Variants in EARS2 observed in about 807,000 individuals in gnomAD.
EARS2 encodes the protein nondiscriminating glutamyl-tRNA synthetase EARS2, mitochondrial.
Under a neutral mutation model 54.1 loss-of-function variants are expected in EARS2, and 50 were observed. That is an observed-to-expected ratio of 0.92 (90% CI 0.74 to 1.17). EARS2 has a LOEUF of 1.17. EARS2 is among the 50% of genes most tolerant of loss of function. The pLI, the probability that EARS2 is intolerant of heterozygous loss-of-function variation, is 0.00. For missense variants in EARS2, 673 were observed against 675.0 expected, an observed-to-expected ratio of 1.00 and a Z score of 0.03; for synonymous variants, 298 against 281.0, an observed-to-expected ratio of 1.06 and a Z score of -0.61.
rs1320920911 is a variant in EARS2 at position 23,546,480 on chromosome 16, A to G, written c.296-1777T>C. Reference sequence around the variant, plus strand: ...TAGTAACTTTCTCATGAGGATCATCATGAGACTAGAGTAAGATGATCTAAG... The same window carrying G: ...TAGTAACTTTCTCATGAGGATCATCGTGAGACTAGAGTAAGATGATCTAAG... On this transcript the variant is annotated intron_variant, in intron 2 of 8. Coordinates refer to ENST00000449606, the MANE Select transcript of EARS2 (RefSeq NM_001083614.2). 8.8e-6 allele frequency: 4 copies of G among 453,738 alleles called. No homozygotes were observed. In the Admixed American group the frequency reaches 9.5e-5, roughly 11 times the overall value. 28.1% of individuals were successfully genotyped at this position (453,738 alleles called of 1,614,324 possible). A position where few individuals can be genotyped will look rare whatever the true frequency, so the allele number is the denominator to read the frequency against.
rs1363459865 is a variant in EARS2, at chr16:23,532,714, G to C, written c.1010C>G (p.Thr337Arg). The C allele has an allele frequency of 6.8e-6, 11 of 1,614,132 alleles. No individual in the cohort carries two copies. The highest frequency in any genetic ancestry group is 9.3e-6 in the Non-Finnish European group (11 of 1,180,016). The stretch of plus-strand genomic sequence containing the variant: ...CAGGGCTGAGTGACAGGTGACCTGT[G>C]TCAGGTTGAACTGTGTGATCAGCTC... ...LPELITQFNL[T>R]QVTCHSALLD... Residue 337 changes from threonine to arginine, a missense_variant, in exon 5 of 9, where the codon ACA (threonine) becomes AGA (arginine). By Grantham distance (71) the Thr-to-Arg change is moderately conservative. Transcript: ENST00000449606.
rs72776120 is a variant in EARS2, at chr16:23,529,041, T to C, written c.1352+461A>G. Among the ~76,000 whole-genome samples, 937 of 152,328 alleles carry C rather than the reference T, an allele frequency of 6.2e-3. 3 individuals carry two copies. Among genetic ancestry groups the C allele is most frequent in the Non-Finnish European group, 0.011 (745 of 68,022 alleles). ...GAGTACCGACTCCTGCATTAAGCTG[T>C]GCCTCAAGCAGCCCTTCTTCTAGCA... On this transcript the variant is annotated intron_variant, in intron 7 of 8. Coordinates refer to ENST00000449606, the MANE Select transcript of EARS2 (RefSeq NM_001083614.2).
intron 7 of EARS2, among the ~76,000 whole-genome samples, chr16:23,526,438 G>A (rs762597180): frequency 5.9e-5 from 9 of 152,014 alleles, no homozygotes; most frequent in Non-Finnish European, 7.3e-5. Flanking sequence ...ATTACATTTC[G>A]TATTTGAATT....
chr16:23,553,458 T>C (rs1226198273), intron 1 of EARS2, among the ~76,000 whole-genome samples: 8 of 152,136 alleles, frequency 5.3e-5, no homozygotes, highest in Non-Finnish European at 1.0e-4. Context: ...TTTAAAATAC[T>C]GTACAATCAT....
rs546036173 is a variant in EARS2, at chr16:23,539,161, T to A, written c.486-3801A>T. ...CCCAGCTAATTTTTGTACTTTAATA[T>A]AGATAGGGTTTCACCACGTTGCCCA... On this transcript the variant is annotated intron_variant, in intron 3 of 8. Coordinates refer to ENST00000449606, the MANE Select transcript of EARS2 (RefSeq NM_001083614.2). 2.6e-5 allele frequency among the ~76,000 whole-genome samples: 4 copies of A among 151,894 alleles called. No individual in the cohort carries two copies. The East Asian group carries it at 7.7e-4, about 29-fold the overall frequency.
chr16:23,557,198 G>A lies in EARS2; in HGVS notation c.139+7C>T, dbSNP rs766457293. On this transcript the variant is annotated splice_region_variant and intron_variant, in intron 1 of 8. Transcript: ENST00000449606. ...TCGGCCTGTAGCGTCACGTCCGCCA[G>A]GGTTACCTGTGGGGCTGGGAGCGAA... 2.0e-6 allele frequency: 3 copies of A among 1,509,852 alleles called. No homozygotes were observed. Among genetic ancestry groups the A allele is most frequent in the Non-Finnish European group, 2.6e-6 (3 of 1,138,392 alleles). 93.5% of individuals were successfully genotyped at this position (1,509,852 alleles called of 1,614,324 possible).
chr16:23,535,787 CAAG>C (rs1965408179), intron 3 of EARS2, among the ~76,000 whole-genome samples: 1 of 152,150 alleles, frequency 6.6e-6, no homozygotes, highest in Non-Finnish European at 1.5e-5. Context: ...CTCCAAAGGA[CAAG>C]AAGAGAAAGC....
intron 3 of EARS2, among the ~76,000 whole-genome samples, chr16:23,541,027 T>C (rs998637900): frequency 6.7e-6 from 1 of 149,970 alleles, no homozygotes; most frequent in Non-Finnish European, 1.5e-5. Context: ...CATAAAGGTT[T>C]ATTAAGGCCG....
chr16:23,527,259 T>C (rs998201621), intron 7 of EARS2, among the ~76,000 whole-genome samples: 14 of 152,138 alleles, frequency 9.2e-5, no homozygotes, highest in Non-Finnish European at 1.9e-4. Context: ...AGCCACAGTG[T>C]CCAGCCTCCC....
intron 3 of EARS2, among the ~76,000 whole-genome samples, chr16:23,541,797 G>A (rs1965517074): frequency 1.3e-5 from 2 of 149,496 alleles, no homozygotes; most frequent in African/African-American, 2.5e-5. Context: ...GGGTTCATGC[G>A]ATTCTAGTGC....
At chr16:23,532,083 A>T (rs1476184365) in intron 5 of EARS2, among the ~76,000 whole-genome samples, 1 of 152,146 alleles carries the variant, frequency 6.6e-6, no homozygotes. Flanking sequence ...AAAGTGCTAG[A>T]ATTAAAGGTG....
In EARS2 at chr16:23,520,769, C is replaced by A. The variant is rs74247967; in HGVS notation, c.*3602G>T. The stretch of plus-strand genomic sequence containing the variant: ...CACACTTCACTTGAGGAAGTAGCAA[C>A]AGCTTTATTAATTTCGCTTTTTTAT... On this transcript the variant is annotated 3_prime_UTR_variant, in exon 9 of 9. Coordinates refer to ENST00000449606, the MANE Select transcript of EARS2 (RefSeq NM_001083614.2). Among the ~76,000 whole-genome samples, 140 of 151,526 alleles carry A rather than the reference C, an allele frequency of 9.2e-4. No homozygotes were observed. The East Asian group carries it at 0.022, about 24-fold the overall frequency.
chr16:23,530,673 A>G (rs142280443), intron 5 of EARS2, among the ~76,000 whole-genome samples: 11 of 152,180 alleles, frequency 7.2e-5, no homozygotes, highest in African/African-American at 2.4e-4. Context: ...TTTAAGACCA[A>G]CCTAGCAACA....
At chr16:23,551,942 T>C (rs977102458) in intron 2 of EARS2, among the ~76,000 whole-genome samples, 8 of 151,982 alleles carry the variant, frequency 5.3e-5, no homozygotes, top group Non-Finnish European at 7.4e-5. Context: ...TAAATAAAAA[T>C]AAAGAAACCA....
At chr16:23,545,894 C>T (rs779756405) in intron 2 of EARS2, among the ~76,000 whole-genome samples, 1 of 152,154 alleles carries the variant, frequency 6.6e-6, no homozygotes, top group African/African-American at 2.4e-5. Flanking sequence ...GCAATCATAG[C>T]TCACTACAGT....
At chr16:23,531,050 G>C (rs1277654400) in intron 5 of EARS2, among the ~76,000 whole-genome samples, 2 of 148,202 alleles carry the variant, frequency 1.3e-5, no homozygotes, top group Non-Finnish European at 3.0e-5. Context: ...CGCCACGTCG[G>C]GCTGATTTTT....
At position 23,544,641 on chromosome 16, in the gene EARS2, G is replaced by A. The variant is rs572316308; in HGVS notation, c.358C>T (p.Arg120Trp). The change falls in exon 3 of 9, where the codon CGG (arginine) becomes TGG (tryptophan). Residue 120 changes from arginine (R) to tryptophan (W), a missense_variant. Coordinates refer to ENST00000449606, the MANE Select transcript of EARS2 (RefSeq NM_001083614.2). The stretch of plus-strand genomic sequence containing the variant: ...GTGGCCTGGGCATACAGCTCCAACC[G>A]CTGAGATTGCTGGTAGGGCCCAGCA... ...GPAGPYQQSQ[R>W]LELYAQATEA... 5.2e-5 allele frequency: 83 copies of A among 1,611,428 alleles called. No homozygotes were observed. Among genetic ancestry groups the A allele is most frequent in the Middle Eastern group, 1.7e-4 (1 of 5,724 alleles).
At chr16:23,550,604 A>AT (rs1240228794) in intron 2 of EARS2, among the ~76,000 whole-genome samples, 3 of 151,766 alleles carry the variant, frequency 2.0e-5, no homozygotes, top group Non-Finnish European at 4.4e-5. Context: ...CGCCTGGCTA[A>AT]TTTTTTGTAT....
intron 7 of EARS2, among the ~76,000 whole-genome samples, chr16:23,527,240 A>G (rs900823759): frequency 2.0e-4 from 30 of 152,126 alleles, no homozygotes; most frequent in African/African-American, 7.2e-4. Flanking sequence ...TACTGGGATT[A>G]CAGGTACAAG....
Sources: allele counts gnomAD v4.1 joint callset (sites outside exome capture counted in the v4.1 genomes callset), GRCh38; gene constraint gnomAD v4.1.1; transcripts MANE v1.5; gene names NCBI Gene and HGNC (gene_info 2026-07-23, HGNC 2026-07-21).